Variants in QTMAN observed in about 807,000 individuals in gnomAD.
The protein encoded by QTMAN is tRNA-queuosine alpha-mannosyltransferase.
chr2:144,245,542 C>G, the QTMAN span, among the ~76,000 whole-genome samples: 2 of 152,254 alleles, frequency 1.3e-5, no homozygotes, highest in Admixed American at 6.5e-5. Flanking sequence ...TAAGAAAATG[C>G]TAGGAAATGA....
the QTMAN span, among the ~76,000 whole-genome samples, chr2:144,120,825 AAAC>A: frequency 6.6e-6 from 1 of 152,152 alleles, no homozygotes. Context: ...ACAAAAAAAC[AAAC>A]AAAACTGGCT....
the QTMAN span, among the ~76,000 whole-genome samples, chr2:144,016,520 T>C: frequency 6.6e-6 from 1 of 152,204 alleles, no homozygotes; most frequent in East Asian, 1.9e-4. Context: ...GAATTTACCT[T>C]GTTCACAAGT....
the QTMAN span, among the ~76,000 whole-genome samples, chr2:144,286,695 C>A: frequency 6.6e-6 from 1 of 152,088 alleles, no homozygotes; most frequent in South Asian, 2.1e-4. Context: ...CAGTGTTCCC[C>A]CAGAATATAT....
At chr2:143,966,708 T>C in the QTMAN span, among the ~76,000 whole-genome samples, 1 of 152,220 alleles carries the variant, frequency 6.6e-6, no homozygotes, top group Non-Finnish European at 1.5e-5. Flanking sequence ...GCACTATAAA[T>C]TGTAACTGAC....
chr2:144,158,482 G>A, the QTMAN span, among the ~76,000 whole-genome samples: 1 of 151,930 alleles, frequency 6.6e-6, no homozygotes, highest in African/African-American at 2.4e-5. Flanking sequence ...GTGGATGTGT[G>A]TGTGAGAAAG....
At chr2:144,044,176 C>T in the QTMAN span, among the ~76,000 whole-genome samples, 1 of 151,924 alleles carries the variant, frequency 6.6e-6, no homozygotes, top group South Asian at 2.1e-4. Context: ...TGAAACAGAC[C>T]ACATTTGTGT....
chr2:144,170,385 G>A, the QTMAN span, among the ~76,000 whole-genome samples: 2 of 152,130 alleles, frequency 1.3e-5, no homozygotes, highest in Admixed American at 1.3e-4. Flanking sequence ...AGCAGCATGA[G>A]CATCATTTTC....
At chr2:144,174,420 G>A in the QTMAN span, among the ~76,000 whole-genome samples, 390 of 152,216 alleles carry the variant, frequency 2.6e-3, no homozygotes, top group Middle Eastern at 0.027. Context: ...CCAGTGTCTC[G>A]AAAATCATAT....
At chr2:144,065,853 C>T in the QTMAN span, among the ~76,000 whole-genome samples, 3 of 149,320 alleles carry the variant, frequency 2.0e-5, no homozygotes, top group Non-Finnish European at 4.4e-5. Flanking sequence ...ATAATACTGT[C>T]CATTAGACTC....
the QTMAN span, among the ~76,000 whole-genome samples, chr2:144,259,546 T>C: frequency 6.6e-6 from 1 of 152,166 alleles, no homozygotes. Context: ...CAGTAATGAC[T>C]CTTTTGGCGA....
the QTMAN span, among the ~76,000 whole-genome samples, chr2:144,210,456 C>T: frequency 6.6e-6 from 1 of 152,140 alleles, no homozygotes; most frequent in Non-Finnish European, 1.5e-5. Flanking sequence ...ATCCCCTACC[C>T]ACCAGGAATA....
At chr2:144,060,336 C>T in the QTMAN span, among the ~76,000 whole-genome samples, 1 of 152,030 alleles carries the variant, frequency 6.6e-6, no homozygotes, top group Non-Finnish European at 1.5e-5. Context: ...TCTCGGCTCA[C>T]TGCAACCTCC....
the QTMAN span, among the ~76,000 whole-genome samples, chr2:144,068,168 A>G: frequency 6.6e-6 from 1 of 152,184 alleles, no homozygotes. Flanking sequence ...CACACATGAA[A>G]TGAGACATCT....
chr2:144,006,826 T>G, the QTMAN span: 3 of 173,832 alleles, frequency 1.7e-5, no homozygotes, highest in African/African-American at 4.7e-5. Context: ...TGTATCAGTG[T>G]GTATATATGA....
the QTMAN span, among the ~76,000 whole-genome samples, chr2:144,075,627 A>G: frequency 2.6e-5 from 4 of 152,224 alleles, no homozygotes; most frequent in Non-Finnish European, 5.9e-5. Context: ...AATTGCATAG[A>G]ACCATGGCTA....
At chr2:144,016,113 C>A in the QTMAN span, among the ~76,000 whole-genome samples, 2 of 152,082 alleles carry the variant, frequency 1.3e-5, no homozygotes. Context: ...AGCAAATATT[C>A]ATTCAAAAAA....
chr2:144,142,180 C>T, the QTMAN span: 1 of 576,398 alleles, frequency 1.7e-6, no homozygotes, highest in Non-Finnish European at 3.0e-6. Context: ...AAGAACTCTT[C>T]ACTTCATATC....
At chr2:144,276,694 G>A in the QTMAN span, among the ~76,000 whole-genome samples, 1 of 152,096 alleles carries the variant, frequency 6.6e-6, no homozygotes, top group East Asian at 1.9e-4. Context: ...CTTCTTCAGG[G>A]AAACGACAAT....
the QTMAN span, among the ~76,000 whole-genome samples, chr2:144,280,044 CCTTA>C: frequency 6.6e-6 from 1 of 152,140 alleles, no homozygotes; most frequent in African/African-American, 2.4e-5. Context: ...TGGTACAAAA[CCTTA>C]CTTTTTGGTA....
Sources: allele counts gnomAD v4.1 joint callset (sites outside exome capture counted in the v4.1 genomes callset), GRCh38; gene constraint gnomAD v4.1.1; transcripts MANE v1.5; gene names NCBI Gene and HGNC (gene_info 2026-07-23, HGNC 2026-07-21).